VPS13A: variants seen among roughly 807,000 people sequenced by gnomAD.
VPS13A encodes intermembrane lipid transfer protein VPS13A.
Under a neutral mutation model 390.9 loss-of-function variants are expected in VPS13A, and 264 were observed. The observed-to-expected ratio is 0.68, with a 90% CI of 0.61 to 0.75. The LOEUF (loss-of-function observed/expected upper bound fraction) is 0.75. Among genes scored for constraint, VPS13A ranks in the 30% least tolerant of loss-of-function variants. The probability of loss-of-function intolerance (pLI) is 0.00; values close to 1 mark genes in which losing one functional copy is unlikely to be tolerated. For synonymous variants in VPS13A, 1,231 were observed against 1,227.1 expected, an observed-to-expected ratio of 1.00 and a Z score of -0.07; for missense variants, 3,409 against 3,733.9, an observed-to-expected ratio of 0.91 and a Z score of 2.27.
At chr9:77,388,127 G>A (rs1833762505) in intron 68 of VPS13A, among the ~76,000 whole-genome samples, 1 of 152,100 alleles carries the variant, frequency 6.6e-6, no homozygotes, top group African/African-American at 2.4e-5. Context: ...GATGTTAAGT[G>A]TACACACATT....
intron 45 of VPS13A, among the ~76,000 whole-genome samples, chr9:77,327,470 ATTAT>A (rs1345571245): frequency 1.3e-5 from 2 of 152,126 alleles, no homozygotes; most frequent in Non-Finnish European, 2.9e-5. Context: ...TACAGTTAAG[ATTAT>A]TCATTTATGA....
chr9:77,361,924 G>A (rs1397956925), intron 59 of VPS13A, among the ~76,000 whole-genome samples: 1 of 152,034 alleles, frequency 6.6e-6, no homozygotes, highest in Non-Finnish European at 1.5e-5. Flanking sequence ...TCTTTGATAT[G>A]TTGATTATCC....
At position 77,420,941 on chromosome 9, in the gene VPS13A, T is replaced by C. The variant is rs929656718; in HGVS notation, c.*4935T>C. The C allele has an allele frequency of 1.3e-5, 2 of 152,236 alleles. No individual in the cohort carries two copies. Among genetic ancestry groups the C allele is most frequent in the African/African-American group, 2.4e-5 (1 of 41,464 alleles). The allele number at this position is 152,236 out of a possible 1,614,324, so 9.4% of individuals were successfully genotyped here. The stretch of plus-strand genomic sequence containing the variant: ...TACACTGAAATATTTTCAGTATCAA[T>C]GATTTAATATCCACACAAACTATTA... On this transcript the variant is annotated 3_prime_UTR_variant, in exon 72 of 72. Coordinates refer to ENST00000360280, the MANE Select transcript of VPS13A (RefSeq NM_033305.3).
Position 77,357,762 on chromosome 9 carries a change from A to G in VPS13A, c.7877A>G (p.Tyr2626Cys). ...QPHVIALRRN[Y>C]LPALKVEYNT... ...CATGTAATAGCTCTACGAAGAAATT[A>G]TCTTCCAGCATTAAAAGTGGAATAT... The change falls in exon 56 of 72, where the codon TAT becomes TGT. Residue 2626 changes from tyrosine (Y) to cysteine (C), a missense_variant. Transcript: ENST00000360280. 2.5e-6 allele frequency: 4 copies of G among 1,613,986 alleles called. No homozygotes were observed. The highest frequency in any genetic ancestry group is 3.4e-6 in the Non-Finnish European group (4 of 1,179,936).
intron 57 of VPS13A, among the ~76,000 whole-genome samples, chr9:77,358,732 A>G (rs1831956814): frequency 6.6e-6 from 1 of 152,236 alleles, no homozygotes. Context: ...AAGCCTTTGA[A>G]TGAACAATAA....
At chr9:77,289,929 T>C (rs141097947) in intron 31 of VPS13A, among the ~76,000 whole-genome samples, 3,509 of 152,120 alleles carry the variant, frequency 0.023, 114 homozygotes, top group East Asian at 0.12. Flanking sequence ...TACAGATGTG[T>C]GCCACCACAC....
At chr9:77,396,117 C>T (rs531455588) in intron 68 of VPS13A, among the ~76,000 whole-genome samples, 1 of 152,294 alleles carries the variant, frequency 6.6e-6, no homozygotes, top group Admixed American at 6.5e-5. Flanking sequence ...CTCACTCTGG[C>T]TCTTCTCCTA....
In VPS13A at chr9:77,182,173, A is replaced by C. The variant is rs1824062588; in HGVS notation, c.100+4369A>C. On this transcript the variant is annotated intron_variant, in intron 1 of 71. Coordinates refer to ENST00000360280, the MANE Select transcript of VPS13A (RefSeq NM_033305.3). Reference sequence around the variant, plus strand: ...CAGTGACGCGATCTCGGCTCACTGCAACCTCTGTCTCACGGCCTCAAGTGA... The same window carrying C: ...CAGTGACGCGATCTCGGCTCACTGCCACCTCTGTCTCACGGCCTCAAGTGA... 2.6e-5 allele frequency among the ~76,000 whole-genome samples: 4 copies of C among 152,174 alleles called. No homozygotes were observed. In the South Asian group the frequency reaches 8.3e-4, roughly 32 times the overall value.
At chr9:77,281,947 T>G in intron 28 of VPS13A, 21 bp downstream of exon 28, 1 of 1,467,230 alleles carries the variant, frequency 6.8e-7, no homozygotes, top group Middle Eastern at 1.8e-4. Context: ...ATAATTTATT[T>G]TTTAATTATG....
At chr9:77,280,134 A>C in intron 26 of VPS13A, 25 bp from the exon 27 acceptor site, 1 of 1,535,736 alleles carries the variant, frequency 6.5e-7, no homozygotes, top group Admixed American at 1.7e-5. Flanking sequence ...CGATGAAAAG[A>C]TAATTTTTAA....
rs111823808 is a variant in VPS13A, at chr9:77,360,295, A to G, written c.8106-241A>G. Reference sequence around the variant, plus strand: ...GTTTATTCATTATCACTAATATATAATATTCTGTTTTATGACTCTGTATGA... The same window carrying G: ...GTTTATTCATTATCACTAATATATAGTATTCTGTTTTATGACTCTGTATGA... On this transcript the variant is annotated intron_variant, in intron 58 of 71. Coordinates refer to ENST00000360280, the MANE Select transcript of VPS13A (RefSeq NM_033305.3). Among the ~76,000 whole-genome samples the G allele has an allele frequency of 0.013, 1,928 of 152,072 alleles. 44 individuals carry two copies. The highest frequency in any genetic ancestry group is 0.044 in the African/African-American group (1,816 of 41,476).
At chr9:77,252,054 G>T (rs1825174807) in intron 21 of VPS13A, among the ~76,000 whole-genome samples, 181 bp from the exon 22 acceptor site, 1 of 152,164 alleles carries the variant, frequency 6.6e-6, no homozygotes, top group Non-Finnish European at 1.5e-5. Context: ...GTGATTGTCA[G>T]TGGATGCGCA....
At chr9:77,346,674 G>A (rs1306955405) in intron 52 of VPS13A, among the ~76,000 whole-genome samples, 2 of 152,098 alleles carry the variant, frequency 1.3e-5, no homozygotes, top group African/African-American at 4.8e-5. Flanking sequence ...TTAAGTCTTT[G>A]ATCGATCTTG....
Position 77,420,478 on chromosome 9 carries a change from C to A in VPS13A, c.*4472C>A, listed in dbSNP as rs572940168. On this transcript the variant is annotated 3_prime_UTR_variant, in exon 72 of 72. Transcript: ENST00000360280. The stretch of plus-strand genomic sequence containing the variant: ...TTTTTTTAAAGCATTATGGCATTTT[C>A]AAAAAAAAAATTATTTTGGTTACCC... 1.8e-4 allele frequency: 27 copies of A among 146,178 alleles called. No individual in the cohort carries two copies. In the South Asian group the frequency reaches 3.5e-3, roughly 19 times the overall value. The allele number at this position is 146,178 out of a possible 1,614,324, so 9.1% of individuals were successfully genotyped here.
At position 77,293,410 on chromosome 9, in the gene VPS13A, T is replaced by A; in HGVS notation, c.3409T>A (p.Ser1137Thr). ...MVSYMDATAG[S>T]AYTDMNVVDI... ...TTCTTACATGGATGCAACTGCTGGT[T>A]CTGCATACACAGATATGAATGTGGT... The change falls in exon 32 of 72, where the codon TCT (serine) becomes ACT (threonine). Residue 1137 changes from serine (S) to threonine (T), a missense_variant. By Grantham distance (58) the Ser-to-Thr change is moderately conservative. Transcript: ENST00000360280. 9 of 1,613,418 alleles carry A rather than the reference T, an allele frequency of 5.6e-6. No individual in the cohort carries two copies. Among genetic ancestry groups the A allele is most frequent in the Non-Finnish European group, 7.6e-6 (9 of 1,179,666 alleles).
intron 17 of VPS13A, among the ~76,000 whole-genome samples, chr9:77,235,563 A>G (rs62573190): frequency 3.3e-5 from 5 of 151,966 alleles, no homozygotes; most frequent in Non-Finnish European, 7.4e-5. Flanking sequence ...AGCTTCTTGG[A>G]TGTATAAATT....
chr9:77,219,902 T>C lies in VPS13A; in HGVS notation c.755-52T>C. On this transcript the variant is annotated intron_variant, in intron 10 of 71. Transcript: ENST00000360280. ...TTTCAACTTCATCACTTTATTGCCT[T>C]GAGACTTTGGAAATATAACTCAGTT... 3 of 1,586,816 alleles carry C rather than the reference T, an allele frequency of 1.9e-6. No individual in the cohort carries two copies. In the South Asian group the frequency reaches 3.3e-5, roughly 18 times the overall value.
intron 70 of VPS13A, among the ~76,000 whole-genome samples, chr9:77,406,237 C>T (rs1834601098): frequency 6.6e-6 from 1 of 151,954 alleles, no homozygotes; most frequent in African/African-American, 2.4e-5. Flanking sequence ...TATTCAGTAA[C>T]AGAGCCCCAC....
chr9:77,351,744 C>A (rs1434861901), intron 53 of VPS13A, among the ~76,000 whole-genome samples: 2 of 152,152 alleles, frequency 1.3e-5, no homozygotes, highest in African/African-American at 2.4e-5. Context: ...TGGCGGGTGC[C>A]TGTAGTCCTA....
Sources: allele counts gnomAD v4.1 joint callset (sites outside exome capture counted in the v4.1 genomes callset), GRCh38; gene constraint gnomAD v4.1.1; transcripts MANE v1.5; gene names NCBI Gene and HGNC (gene_info 2026-07-23, HGNC 2026-07-21).